Variants in SLC6A4 observed in about 807,000 individuals in gnomAD.
SLC6A4 encodes sodium-dependent serotonin transporter.
In SLC6A4, 22 loss-of-function variants were observed where a neutral mutation model predicts 73.4. That is an observed-to-expected ratio of 0.30 (90% CI 0.21 to 0.43). The LOEUF (loss-of-function observed/expected upper bound fraction) is 0.43, where lower values mean the gene tolerates loss of function less well. Ranked by LOEUF, SLC6A4 falls within the 20% of genes least tolerant of loss-of-function variation. The probability of loss-of-function intolerance (pLI) is 1.00; values close to 1 mark genes in which losing one functional copy is unlikely to be tolerated. For synonymous variants in SLC6A4, 270 were observed against 315.5 expected (o/e 0.86, Z 1.53); for missense variants, 593 against 808.5 (o/e 0.73, Z 3.23).
rs1454339687 is a variant in SLC6A4, at chr17:30,215,679, AGAG to A, written c.1005_1007del (p.Ser336del). 1.2e-6 allele frequency: 2 copies of A among 1,614,060 alleles called. No individual in the cohort carries two copies. Among genetic ancestry groups the A allele is most frequent in the Admixed American group, 3.3e-5 (2 of 60,024 alleles). On this transcript the variant is annotated inframe_deletion, in exon 8 of 15. Coordinates refer to ENST00000650711, the MANE Select transcript of SLC6A4 (RefSeq NM_001045.6). ...GCAGGACCCCAAAGCCCGGACCAAG[AGAG>A]AAGAAGATCTGAGCGGCTGCATCTA...
In SLC6A4 at chr17:30,197,090, T is replaced by G. The variant is rs1905885855; in HGVS notation, c.*1366A>C. 6.6e-6 allele frequency: 1 copy of G among 152,360 alleles called. No homozygotes were observed. Among genetic ancestry groups the G allele is most frequent in the Admixed American group, 6.5e-5 (1 of 15,282 alleles). The allele number at this position is 152,360 out of a possible 1,614,324, so 9.4% of individuals were successfully genotyped here. A position where few individuals can be genotyped will look rare whatever the true frequency, so the allele number is the denominator to read the frequency against. On this transcript the variant is annotated 3_prime_UTR_variant, in exon 15 of 15. Transcript: ENST00000650711. ...TTCCCCTCAAAATTCTGATAAGGAA[T>G]TCCCATGCTGCAAATATTAATTTGC... is the stretch of plus-strand genomic sequence containing the variant.
At chr17:30,232,937 C>A (rs1195198280) in intron 1 of SLC6A4, among the ~76,000 whole-genome samples, 1 of 152,162 alleles carries the variant, frequency 6.6e-6, no homozygotes, top group Non-Finnish European at 1.5e-5. Flanking sequence ...AATGGTGGAG[C>A]CCGTGCCCAC....
chr17:30,221,310 G>C (rs115442151), intron 3 of SLC6A4, among the ~76,000 whole-genome samples: 1,636 of 152,192 alleles, frequency 0.011, 32 homozygotes, highest in African/African-American at 0.038. Flanking sequence ...GAAAGTCTAA[G>C]TCATCATGTT....
rs1405139762 is a variant in SLC6A4 at position 30,214,866 on chromosome 17, C to T, written c.1076+745G>A. ...GCCAGGATGGTATCGATCTCCTGAC[C>T]TCGTGATCCACCCGCCTCGGCCTCC... On this transcript the variant is annotated intron_variant, in intron 8 of 14. Transcript: ENST00000650711. Among the ~76,000 whole-genome samples the T allele has an allele frequency of 1.3e-4, 20 of 152,048 alleles. No individual in the cohort carries two copies. The East Asian group carries it at 3.3e-3, about 25-fold the overall frequency.
At chr17:30,226,677 G>A (rs1326517448) in intron 1 of SLC6A4, among the ~76,000 whole-genome samples, 1 of 152,000 alleles carries the variant, frequency 6.6e-6, no homozygotes, top group Non-Finnish European at 1.5e-5. Context: ...TTCAGCCTGA[G>A]TGACAAGAGT....
In SLC6A4 at chr17:30,210,579, C is replaced by A; in HGVS notation, c.1385G>T (p.Arg462Leu). The A allele has an allele frequency of 6.2e-7, 1 of 1,613,860 alleles. No individual in the cohort carries two copies. The highest frequency in any genetic ancestry group is 1.3e-5 in the African/African-American group (1 of 74,990). The stretch of plus-strand genomic sequence containing the variant: ...GACCACGGCGAGCACGAACCGCTCC[C>A]GGCGCTTGGCCCAGACGTGTGGGAA... The part of the protein sequence containing the change: ...DEFPHVWAKR[R>L]ERFVLAVVIT... Residue 462 changes from arginine (R) to leucine (L), a missense_variant, in exon 11 of 15, where the codon CGG becomes CTG. Physicochemically the swap from Arg to Leu is moderately radical, Grantham distance 102. Transcript: ENST00000650711.
chr17:30,197,258 T>A lies in SLC6A4; in HGVS notation c.*1198A>T, dbSNP rs1383736508. On this transcript the variant is annotated 3_prime_UTR_variant, in exon 15 of 15. Transcript: ENST00000650711. ...CTTACTTAGACTCAACCTTAAAAAT[T>A]ATCTGGAGGGCTCACAATCGTGACC... The A allele has an allele frequency of 6.6e-6, 1 of 152,372 alleles. No homozygotes were observed. The highest frequency in any genetic ancestry group is 1.9e-4 in the East Asian group (1 of 5,340). 9.4% of individuals were successfully genotyped at this position (152,372 alleles called of 1,614,324 possible). A position where few individuals can be genotyped will look rare whatever the true frequency, so the allele number is the denominator to read the frequency against.
At chr17:30,215,240 G>C (rs1197303282) in intron 8 of SLC6A4, among the ~76,000 whole-genome samples, 2 of 151,902 alleles carry the variant, frequency 1.3e-5, no homozygotes, top group Non-Finnish European at 2.9e-5. Flanking sequence ...ACAGGGTTTC[G>C]CCATGTTGGC....
At chr17:30,218,659 A>G in intron 4 of SLC6A4, 138 bp downstream of exon 4, 2 of 866,226 alleles carry the variant, frequency 2.3e-6, no homozygotes, top group African/African-American at 1.7e-5. Flanking sequence ...CGCAGTCAAA[A>G]CCTTAATTAC....
chr17:30,214,869 G>A (rs144257153), intron 8 of SLC6A4, among the ~76,000 whole-genome samples: 4,219 of 151,670 alleles, frequency 0.028, 171 homozygotes, highest in African/African-American at 0.093. Context: ...TCCTGACCTC[G>A]TGATCCACCC....
Position 30,212,730 on chromosome 17 carries a change from G to A in SLC6A4, c.1204+10C>T, listed in dbSNP as rs201042034. 2.7e-5 allele frequency: 44 copies of A among 1,613,648 alleles called. No individual in the cohort carries two copies. Among genetic ancestry groups the A allele is most frequent in the Non-Finnish European group, 3.4e-5 (40 of 1,179,658 alleles). ...GGAGCAAGGGACCTGCATAGAACCC[G>A]AGGTCCTACCTGCGTCTTTGGCCAC... On this transcript the variant is annotated intron_variant, in intron 9 of 14. Transcript: ENST00000650711.
At chr17:30,229,135 C>G (rs963039874) in intron 1 of SLC6A4, among the ~76,000 whole-genome samples, 1 of 152,178 alleles carries the variant, frequency 6.6e-6, no homozygotes, top group African/African-American at 2.4e-5. Flanking sequence ...GGAGGGCTGC[C>G]TTAACAGTCA....
rs772696557 is a variant in SLC6A4 at position 30,222,044 on chromosome 17, A to C, written c.-86T>G. The C allele has an allele frequency of 6.2e-7, 1 of 1,601,250 alleles. No homozygotes were observed. Among genetic ancestry groups the C allele is most frequent in the South Asian group, 1.1e-5 (1 of 89,546 alleles). ...TGCTTGGATTTGTGGATCACCTCCG[A>C]GCTCTCTATCGTCGGGATTGACACG... On this transcript the variant is annotated 5_prime_UTR_variant, in exon 3 of 15. Transcript: ENST00000650711.
Position 30,225,539 on chromosome 17 carries a change from C to T in SLC6A4, c.-220-2624G>A, listed in dbSNP as rs1373998651. 2.6e-5 allele frequency among the ~76,000 whole-genome samples: 4 copies of T among 152,222 alleles called. No individual in the cohort carries two copies. The South Asian group carries it at 6.2e-4, about 24-fold the overall frequency. On this transcript the variant is annotated intron_variant, in intron 1 of 14. Transcript: ENST00000650711. ...TTCTTTTTTTAAAAGGTATTTTTAT[C>T]CTGCTGGGTGGAAAGATTGCAAACG... is the stretch of plus-strand genomic sequence containing the variant.
At chr17:30,218,655 C>T (rs1906656321) in intron 4 of SLC6A4, 142 bp downstream of exon 4, 3 of 850,810 alleles carry the variant, frequency 3.5e-6, no homozygotes, top group South Asian at 1.6e-5. Context: ...CTTACGCAGT[C>T]AAAACCTTAA....
At chr17:30,199,633 A>T (rs2143013050) in intron 14 of SLC6A4, among the ~76,000 whole-genome samples, 1 of 152,294 alleles carries the variant, frequency 6.6e-6, no homozygotes, top group Non-Finnish European at 1.5e-5. Flanking sequence ...AATGCACAAA[A>T]TTGCACATTT....
Position 30,216,073 on chromosome 17 carries a change from T to G in SLC6A4, c.972+9A>C. ...CAGACAGGTACACATATTTCCCTCA[T>G]CATCTTACCCCTGTCTCCAGGAGTT... On this transcript the variant is annotated intron_variant, in intron 7 of 14. Coordinates refer to ENST00000650711, the MANE Select transcript of SLC6A4 (RefSeq NM_001045.6). 1.9e-6 allele frequency: 3 copies of G among 1,611,874 alleles called. No homozygotes were observed. The highest frequency in any genetic ancestry group is 2.5e-6 in the Non-Finnish European group (3 of 1,178,686).
chr17:30,210,481 A>C, intron 11 of SLC6A4, 34 bp downstream of exon 11: 1 of 1,603,304 alleles, frequency 6.2e-7, no homozygotes, highest in Admixed American at 1.7e-5. Context: ...GCCCTAGGGG[A>C]GGCCAACTCA....
rs201165889 is a variant in SLC6A4 at position 30,221,875 on chromosome 17, C to T, written c.84G>A (p.Gln28=). ...GEDCQENGVL[Q]KVVPTPGDKV... ...TGTCCCCTGGGGTGGGAACAACCTT[C>T]TGTAGAACTCCGTTTTCCTGACAAT... The change falls in exon 3 of 15, where the codon CAG becomes CAA. Residue 28 remains glutamine, a synonymous_variant. Transcript: ENST00000650711. 4.1e-5 allele frequency: 66 copies of T among 1,614,088 alleles called. No homozygotes were observed. The highest frequency in any genetic ancestry group is 5.5e-5 in the Non-Finnish European group (65 of 1,180,042).
Sources: gnomAD v4.1 joint callset for allele counts (sites outside exome capture counted in the v4.1 genomes callset) on GRCh38, gnomAD v4.1.1 for gene constraint, MANE v1.5 for transcripts, NCBI Gene and HGNC (gene_info 2026-07-23, HGNC 2026-07-21) for gene names.